The following B3GALT1 variants were observed in gnomAD, a reference collection of about 807,000 sequenced individuals.
The protein encoded by B3GALT1 is UDP-Gal:betaGlcNAc beta 1,3-galactosyltransferase, polypeptide 1.
B3GALT1 carries 10 observed loss-of-function variants against 23.2 expected under a neutral mutation model. The ratio of observed to expected loss-of-function variants is 0.43; its 90% CI spans 0.27 to 0.73. B3GALT1 has a LOEUF of 0.73. Among genes scored for constraint, B3GALT1 ranks in the 30% least tolerant of loss-of-function variants. The pLI, the probability that B3GALT1 is intolerant of heterozygous loss-of-function variation, is 0.21. For missense variants in B3GALT1, 299 were observed against 405.4 expected (o/e 0.74, Z 2.25); for synonymous variants, 156 against 141.5 (o/e 1.10, Z -0.73).
intron 2 of B3GALT1, among the ~76,000 whole-genome samples, chr2:167,616,795 A>G (rs1430684670): frequency 2.0e-5 from 3 of 152,072 alleles, no homozygotes; most frequent in Non-Finnish European, 4.4e-5. Flanking sequence ...ACTTTCTTGT[A>G]TTTTCTGGGT....
intron 3 of B3GALT1, among the ~76,000 whole-genome samples, chr2:167,711,442 G>C (rs1177535219): frequency 6.6e-6 from 1 of 152,180 alleles, no homozygotes; most frequent in Non-Finnish European, 1.5e-5. Context: ...ACTGCAGGTA[G>C]AAAAAGGTAG....
chr2:167,486,866 A>AG (rs202192418), intron 1 of B3GALT1, among the ~76,000 whole-genome samples: 2,402 of 152,324 alleles, frequency 0.016, 27 homozygotes, highest in South Asian at 0.035. Flanking sequence ...TTGGAGAAGA[A>AG]GGAAAAATCA....
At chr2:167,408,494 C>G (rs1037724747) in intron 1 of B3GALT1, among the ~76,000 whole-genome samples, 1 of 151,984 alleles carries the variant, frequency 6.6e-6, no homozygotes, top group African/African-American at 2.4e-5. Context: ...TTTTATTGAA[C>G]ATACTACTGG....
At chr2:167,512,606 A>ATATGTATATATATATG (rs1558887850) in intron 2 of B3GALT1, among the ~76,000 whole-genome samples, 8 of 95,292 alleles carry the variant, frequency 8.4e-5, no homozygotes, top group African/African-American at 5.8e-4. Flanking sequence ...ATATATATAT[A>ATATGTATATATATATG]TGTATATATA....
chr2:167,675,774 T>C (rs1686414955), intron 3 of B3GALT1, among the ~76,000 whole-genome samples: 1 of 152,130 alleles, frequency 6.6e-6, no homozygotes, highest in African/African-American at 2.4e-5. Flanking sequence ...TGTGATTTCA[T>C]GTGAAAACAT....
At chr2:167,810,176 A>G (rs56000112) in intron 3 of B3GALT1, among the ~76,000 whole-genome samples, 5,141 of 150,998 alleles carry the variant, frequency 0.034, 270 homozygotes, top group South Asian at 0.068. Flanking sequence ...TCCAGGTGCC[A>G]TCTGTCACCG....
intron 2 of B3GALT1, among the ~76,000 whole-genome samples, chr2:167,564,363 C>T (rs552266127): frequency 1.1e-4 from 17 of 151,194 alleles, no homozygotes; most frequent in African/African-American, 3.4e-4. Context: ...GGCAGAGACG[C>T]TCCCCACTCT....
intron 2 of B3GALT1, among the ~76,000 whole-genome samples, chr2:167,596,233 G>A (rs1684772247): frequency 6.6e-6 from 1 of 152,206 alleles, no homozygotes; most frequent in African/African-American, 2.4e-5. Flanking sequence ...TAGGTCATTT[G>A]CTGAGTGTGC....
At chr2:167,866,951 G>T (rs1392775244) in intron 4 of B3GALT1, among the ~76,000 whole-genome samples, 4 of 145,870 alleles carry the variant, frequency 2.7e-5, no homozygotes, top group Non-Finnish European at 1.6e-5. Flanking sequence ...TTTTGAGACG[G>T]AGTCTCACTT....
intron 1 of B3GALT1, among the ~76,000 whole-genome samples, chr2:167,362,290 A>T (rs1401787615): frequency 6.6e-6 from 1 of 152,200 alleles, no homozygotes; most frequent in Admixed American, 6.5e-5. Flanking sequence ...ATATAAATGG[A>T]ATGTAATTAG....
intron 1 of B3GALT1, among the ~76,000 whole-genome samples, chr2:167,435,954 AACACACACACACACACAC>A (rs66661618): frequency 7.2e-6 from 1 of 139,220 alleles, no homozygotes; most frequent in Admixed American, 7.2e-5. Context: ...CACACACACA[AACACACACACACACACAC>A]ACACACACAC....
At chr2:167,672,855 TTATAAC>T (rs1392105239) in intron 3 of B3GALT1, among the ~76,000 whole-genome samples, 5 of 152,078 alleles carry the variant, frequency 3.3e-5, no homozygotes, top group African/African-American at 1.2e-4. Flanking sequence ...ATTTGAATAA[TTATAAC>T]TATATTTTAT....
At chr2:167,353,047 G>A (rs944926221) in intron 1 of B3GALT1, among the ~76,000 whole-genome samples, 1 of 152,134 alleles carries the variant, frequency 6.6e-6, no homozygotes, top group African/African-American at 2.4e-5. Flanking sequence ...AAGGGAAAGA[G>A]ACCTATCTCT....
chr2:167,547,923 A>G (rs1003962900), intron 2 of B3GALT1, among the ~76,000 whole-genome samples: 7 of 152,186 alleles, frequency 4.6e-5, no homozygotes, highest in African/African-American at 1.4e-4. Flanking sequence ...ACTAGGACCA[A>G]TATCACCAAG....
At chr2:167,755,575 G>C (rs72876882) in intron 3 of B3GALT1, among the ~76,000 whole-genome samples, 23,579 of 150,616 alleles carry the variant, frequency 0.16, 2,610 homozygotes, top group African/African-American at 0.29. Flanking sequence ...AACTGCAGTT[G>C]GTCTGAACTA....
intron 1 of B3GALT1, among the ~76,000 whole-genome samples, chr2:167,446,098 G>A (rs1698985349): frequency 6.6e-6 from 1 of 152,118 alleles, no homozygotes. Flanking sequence ...GTCTGTAAAG[G>A]ATTCTATTTC....
chr2:167,442,985 C>T (rs1427718711), intron 1 of B3GALT1, among the ~76,000 whole-genome samples: 1 of 151,346 alleles, frequency 6.6e-6, no homozygotes, highest in East Asian at 1.9e-4. Flanking sequence ...CCTAGGTTTT[C>T]TTCTAGGGTT....
chr2:167,296,629 T>A (rs1042456099), intron 1 of B3GALT1, among the ~76,000 whole-genome samples: 1 of 152,210 alleles, frequency 6.6e-6, no homozygotes, highest in Non-Finnish European at 1.5e-5. Flanking sequence ...TCTCGTTCTC[T>A]TTACTAATCT....
chr2:167,456,330 G>T (rs760597878), intron 1 of B3GALT1, among the ~76,000 whole-genome samples: 1 of 151,994 alleles, frequency 6.6e-6, no homozygotes, highest in Non-Finnish European at 1.5e-5. Context: ...GAGCTAAGCC[G>T]TTCATGAGGG....
Sources: allele counts gnomAD v4.1 joint callset (sites outside exome capture counted in the v4.1 genomes callset), GRCh38; gene constraint gnomAD v4.1.1; transcripts MANE v1.5; gene names NCBI Gene and HGNC (gene_info 2026-07-23, HGNC 2026-07-21).